TMEM132D: variants seen among roughly 807,000 people sequenced by gnomAD.
The protein encoded by TMEM132D is transmembrane protein 132D, also known as mature OL transmembrane protein.
A neutral mutation model predicts 62.3 loss-of-function variants in TMEM132D; 21 were observed. The observed-to-expected ratio is 0.34, with a 90% confidence interval of 0.24 to 0.49. The LOEUF is 0.49. Among genes scored for constraint, TMEM132D ranks in the 20% least tolerant of loss-of-function variants. The pLI, the probability that TMEM132D is intolerant of heterozygous loss-of-function variation, is 0.99. For synonymous variants in TMEM132D, 621 were observed against 575.6 expected, an observed-to-expected ratio of 1.08 and a Z score of -1.13; for missense variants, 1,346 against 1,402.8, an observed-to-expected ratio of 0.96 and a Z score of 0.65.
intron 6 of TMEM132D, among the ~76,000 whole-genome samples, chr12:129,083,905 G>T (rs1346241082): frequency 6.6e-6 from 1 of 152,134 alleles, no homozygotes; most frequent in Non-Finnish European, 1.5e-5. Flanking sequence ...GCACCATCGG[G>T]GTAATGTACC....
At chr12:129,900,861 A>G (rs111857448) in intron 1 of TMEM132D, among the ~76,000 whole-genome samples, 1,791 of 152,298 alleles carry the variant, frequency 0.012, 34 homozygotes, top group African/African-American at 0.042. Context: ...CGTGTGTCAT[A>G]CCATACTTCC....
At chr12:129,453,573 C>A (rs982654919) in intron 3 of TMEM132D, among the ~76,000 whole-genome samples, 1 of 152,158 alleles carries the variant, frequency 6.6e-6, no homozygotes, top group Non-Finnish European at 1.5e-5. Flanking sequence ...AGTGGCTGGA[C>A]CCAAAGGTTC....
In TMEM132D at chr12:129,505,265, C is replaced by T. The variant is rs781590997; in HGVS notation, c.1115+25794G>A. 6.1e-5 allele frequency among the ~76,000 whole-genome samples: 9 copies of T among 148,672 alleles called. 1 individual carries two copies. The highest frequency in any genetic ancestry group is 8.9e-5 in the Non-Finnish European group (6 of 67,484). On this transcript the variant is annotated intron_variant, in intron 3 of 8. Coordinates refer to ENST00000422113, the MANE Select transcript of TMEM132D (RefSeq NM_133448.3). ...GGTATAGTTTTTTTTTTTTTTGAGA[C>T]GGAGTCTCATTCTGTCGCCCAGGCT...
intron 5 of TMEM132D, among the ~76,000 whole-genome samples, chr12:129,176,036 T>C (rs1012934532): frequency 7.9e-5 from 12 of 152,254 alleles, no homozygotes; most frequent in African/African-American, 2.9e-4. Flanking sequence ...AACACACTGG[T>C]CATAGTTTCC....
chr12:129,596,751 C>T (rs1305605217), intron 2 of TMEM132D, among the ~76,000 whole-genome samples: 2 of 151,926 alleles, frequency 1.3e-5, no homozygotes, highest in Middle Eastern at 3.2e-3. Context: ...CCATATGCCT[C>T]TGACCTCATT....
chr12:129,895,090 C>G (rs974710065), intron 1 of TMEM132D, among the ~76,000 whole-genome samples: 1 of 152,104 alleles, frequency 6.6e-6, no homozygotes, highest in Non-Finnish European at 1.5e-5. Context: ...GGGACAGAGT[C>G]CTGGGGTCTC....
chr12:129,456,815 C>T (rs563962182), intron 3 of TMEM132D, among the ~76,000 whole-genome samples: 1 of 152,030 alleles, frequency 6.6e-6, no homozygotes. Flanking sequence ...TTGGTTTCAG[C>T]CAGAGGAAAA....
chr12:129,227,009 G>A (rs962950025), intron 4 of TMEM132D, among the ~76,000 whole-genome samples: 1 of 152,112 alleles, frequency 6.6e-6, no homozygotes, highest in Non-Finnish European at 1.5e-5. Flanking sequence ...TCAGAATTAA[G>A]AAGCTAAATG....
At chr12:129,248,683 T>C (rs1245166657) in intron 4 of TMEM132D, among the ~76,000 whole-genome samples, 1 of 152,170 alleles carries the variant, frequency 6.6e-6, no homozygotes, top group African/African-American at 2.4e-5. Flanking sequence ...ATCCATTAGT[T>C]ATTTTTCCCA....
Position 129,279,637 on chromosome 12 carries a change from AG to A in TMEM132D, c.1299+57996del, listed in dbSNP as rs199504298. 8.1e-4 allele frequency among the ~76,000 whole-genome samples: 123 copies of A among 152,262 alleles called. 1 individual carries two copies. In the East Asian group the frequency reaches 0.02, roughly 25 times the overall value. Reference sequence around the variant, plus strand: ...GTAATGAATTAGAGTGAATCCTTTAAGGGAATACACCCATTGGCAATCCCAC... The same window carrying A: ...GTAATGAATTAGAGTGAATCCTTTAAGGAATACACCCATTGGCAATCCCAC... On this transcript the variant is annotated intron_variant, in intron 4 of 8. Coordinates refer to ENST00000422113, the MANE Select transcript of TMEM132D (RefSeq NM_133448.3).
Position 129,104,144 on chromosome 12 carries a change from C to T in TMEM132D, c.1444-19442G>A, listed in dbSNP as rs1027829960. Among the ~76,000 whole-genome samples the T allele has an allele frequency of 2.3e-4, 35 of 149,990 alleles. 1 individual carries two copies. Among genetic ancestry groups the T allele is most frequent in the Admixed American group, 1.3e-4 (2 of 14,992 alleles). On this transcript the variant is annotated intron_variant, in intron 5 of 8. Coordinates refer to ENST00000422113, the MANE Select transcript of TMEM132D (RefSeq NM_133448.3). The stretch of plus-strand genomic sequence containing the variant: ...TCCCACTACCTGACTTCAAACTATA[C>T]TACAAGGCTACAGTAACCAAAACAG...
chr12:129,427,512 T>A (rs576306974), intron 3 of TMEM132D, among the ~76,000 whole-genome samples: 13 of 152,188 alleles, frequency 8.5e-5, no homozygotes, highest in East Asian at 1.9e-4. Flanking sequence ...CATATGTAAC[T>A]AACCTGCACG....
In TMEM132D at chr12:129,575,046, A is replaced by G. The variant is rs144461353; in HGVS notation, c.969-43841T>C. 1.1e-4 allele frequency among the ~76,000 whole-genome samples: 16 copies of G among 151,806 alleles called. No homozygotes were observed. In the East Asian group the frequency reaches 3.1e-3, roughly 29 times the overall value. ...TCTCTCATCGGATCTGCTTGGCGCT[A>G]CATATGGAGTCTAAGAAGACCCTCT... On this transcript the variant is annotated intron_variant, in intron 2 of 8. Coordinates refer to ENST00000422113, the MANE Select transcript of TMEM132D (RefSeq NM_133448.3).
chr12:129,530,601 C>T (rs1425907461), intron 3 of TMEM132D, among the ~76,000 whole-genome samples: 1 of 152,198 alleles, frequency 6.6e-6, no homozygotes, highest in Non-Finnish European at 1.5e-5. Context: ...TCAGAAAATG[C>T]CTGCCCGTGA....
At chr12:129,225,728 A>G (rs2135575739) in intron 4 of TMEM132D, among the ~76,000 whole-genome samples, 1 of 152,312 alleles carries the variant, frequency 6.6e-6, no homozygotes, top group Admixed American at 6.5e-5. Flanking sequence ...CATGGATTCA[A>G]TTACGTTCCT....
chr12:129,604,542 G>A (rs115942608), intron 2 of TMEM132D, among the ~76,000 whole-genome samples: 250 of 152,214 alleles, frequency 1.6e-3, no homozygotes, highest in African/African-American at 5.8e-3. Flanking sequence ...AGCAGCTTAG[G>A]TCATTTTTAA....
intron 2 of TMEM132D, among the ~76,000 whole-genome samples, chr12:129,650,574 T>A (rs1168590364): frequency 6.6e-6 from 1 of 152,214 alleles, no homozygotes. Context: ...CCTTCTCTGG[T>A]GGAAGGTGAG....
chr12:129,521,478 A>G (rs1593049112), intron 3 of TMEM132D: 1 of 152,260 alleles, frequency 6.6e-6, no homozygotes, highest in African/African-American at 2.4e-5. Flanking sequence ...AAAAAGCTCT[A>G]AAAGGAAAAG....
intron 3 of TMEM132D, among the ~76,000 whole-genome samples, chr12:129,465,770 C>T (rs1181901187): frequency 1.3e-5 from 2 of 152,126 alleles, no homozygotes; most frequent in East Asian, 3.9e-4. Flanking sequence ...GTAACCTCTG[C>T]CTCCCAGGTT....
Sources: gnomAD v4.1 joint callset for allele counts (sites outside exome capture counted in the v4.1 genomes callset) on GRCh38, gnomAD v4.1.1 for gene constraint, MANE v1.5 for transcripts, NCBI Gene and HGNC (gene_info 2026-07-23, HGNC 2026-07-21) for gene names.